Variants in COMMD1 observed in about 807,000 individuals in gnomAD.
COMMD1 encodes copper metabolism domain containing 1.
Under a neutral mutation model 17.2 loss-of-function variants are expected in COMMD1, and 10 were observed. The ratio of observed to expected loss-of-function variants is 0.58; its 90% confidence interval spans 0.36 to 0.99. The LOEUF (loss-of-function observed/expected upper bound fraction) is 0.99. Among genes scored for constraint, COMMD1 ranks in the 50% least tolerant of loss-of-function variants. The probability of loss-of-function intolerance (pLI) is 0.01; values close to 1 mark genes in which losing one functional copy is unlikely to be tolerated. For synonymous variants in COMMD1, 97 were observed against 91.6 expected, an observed-to-expected ratio of 1.06 and a Z score of -0.34; for missense variants, 270 against 231.8, an observed-to-expected ratio of 1.17 and a Z score of -1.07.
intron 1 of COMMD1, among the ~76,000 whole-genome samples, chr2:61,915,368 C>T (rs1284643674): frequency 6.6e-6 from 1 of 152,072 alleles, no homozygotes; most frequent in African/African-American, 2.4e-5. Flanking sequence ...AAATGTTAGA[C>T]CTCCTAGACT....
At chr2:62,057,904 T>C (rs1670753107) in intron 2 of COMMD1, among the ~76,000 whole-genome samples, 1 of 152,166 alleles carries the variant, frequency 6.6e-6, no homozygotes, top group Non-Finnish European at 1.5e-5. Flanking sequence ...CATGGTTTCT[T>C]CTTGACCCAT....
In COMMD1 at chr2:62,066,661, A is replaced by G. The variant is rs547424168; in HGVS notation, c.462+65679A>G. Among the ~76,000 whole-genome samples the G allele has an allele frequency of 4.3e-4, 65 of 151,486 alleles. No individual in the cohort carries two copies. The South Asian group carries it at 0.013, about 31-fold the overall frequency. On this transcript the variant is annotated intron_variant, in intron 2 of 2. Coordinates refer to ENST00000311832, the MANE Select transcript of COMMD1 (RefSeq NM_152516.4). ...CGTGATCTGCCCGCCTTGGCCTCCC[A>G]AAGTGCTGGGATTACAGGTGTGAGC... is the stretch of plus-strand genomic sequence containing the variant.
At chr2:62,126,291 A>T (rs1672886353) in intron 2 of COMMD1, among the ~76,000 whole-genome samples, 1 of 152,168 alleles carries the variant, frequency 6.6e-6, no homozygotes, top group Admixed American at 6.5e-5. Flanking sequence ...ATACCCAGTA[A>T]GGGGATTGCT....
rs529251559 is a variant in COMMD1, at chr2:62,043,094, T to G, written c.462+42112T>G. ...TTTTATTCAAAGATGCCAAGTCCTA[T>G]CATCATCTTGAGATTTGTCCATGAG... On this transcript the variant is annotated intron_variant, in intron 2 of 2. Coordinates refer to ENST00000311832, the MANE Select transcript of COMMD1 (RefSeq NM_152516.4). Among the ~76,000 whole-genome samples the G allele has an allele frequency of 1.2e-4, 18 of 152,350 alleles. 1 individual carries two copies. The South Asian group carries it at 3.7e-3, about 32-fold the overall frequency.
chr2:61,911,225 G>A (rs746791063), intron 1 of COMMD1, among the ~76,000 whole-genome samples: 1 of 151,886 alleles, frequency 6.6e-6, no homozygotes, highest in Non-Finnish European at 1.5e-5. Flanking sequence ...TGTAATCCCA[G>A]CACTTTGGGG....
intron 1 of COMMD1, among the ~76,000 whole-genome samples, chr2:61,944,238 G>A (rs1031163174): frequency 6.6e-6 from 1 of 152,028 alleles, no homozygotes; most frequent in African/African-American, 2.4e-5. Context: ...GATCACTTGA[G>A]CTCAGGAGTT....
At chr2:61,943,920 A>G (rs1440025272) in intron 1 of COMMD1, among the ~76,000 whole-genome samples, 1 of 152,138 alleles carries the variant, frequency 6.6e-6, no homozygotes, top group South Asian at 2.1e-4. Flanking sequence ...AATTTTCTCG[A>G]GAGTTCCCTG....
At chr2:62,132,205 C>T (rs1338509492) in intron 2 of COMMD1, among the ~76,000 whole-genome samples, 1 of 152,128 alleles carries the variant, frequency 6.6e-6, no homozygotes, top group African/African-American at 2.4e-5. Context: ...TTTATTTAGC[C>T]TACTCTTTCT....
chr2:61,948,412 T>A (rs1044645738), intron 1 of COMMD1, among the ~76,000 whole-genome samples: 2 of 152,262 alleles, frequency 1.3e-5, no homozygotes, highest in African/African-American at 4.8e-5. Context: ...TTTATGTAAG[T>A]GCTTATTTTC....
At chr2:61,985,349 C>T (rs1391714472) in intron 1 of COMMD1, among the ~76,000 whole-genome samples, 1 of 152,084 alleles carries the variant, frequency 6.6e-6, no homozygotes, top group Non-Finnish European at 1.5e-5. Context: ...CGCACCCGGC[C>T]CTATGTGTGT....
chr2:62,079,296 GTTT>G (rs1208960723), intron 2 of COMMD1, among the ~76,000 whole-genome samples: 1 of 152,190 alleles, frequency 6.6e-6, no homozygotes, highest in Non-Finnish European at 1.5e-5. Context: ...TACAGTGCTT[GTTT>G]ATATACAGGA....
intron 2 of COMMD1, among the ~76,000 whole-genome samples, chr2:62,116,919 C>T (rs1672621688): frequency 6.6e-6 from 1 of 150,804 alleles, no homozygotes; most frequent in Non-Finnish European, 1.5e-5. Flanking sequence ...CACTTGAACC[C>T]AGGAGGCGGA....
At chr2:62,080,546 T>A (rs1671486995) in intron 2 of COMMD1, among the ~76,000 whole-genome samples, 1 of 152,144 alleles carries the variant, frequency 6.6e-6, no homozygotes, top group Admixed American at 6.5e-5. Flanking sequence ...GAGTTCATAG[T>A]CCCAATTCTC....
intron 1 of COMMD1, among the ~76,000 whole-genome samples, chr2:61,900,192 T>C (rs931887613): frequency 1.1e-4 from 16 of 152,222 alleles, no homozygotes; most frequent in African/African-American, 3.9e-4. Context: ...TACAATTTTA[T>C]GCATTTCAGG....
intron 2 of COMMD1, among the ~76,000 whole-genome samples, chr2:62,069,260 G>A (rs1176428637): frequency 6.6e-6 from 1 of 152,066 alleles, no homozygotes; most frequent in East Asian, 1.9e-4. Flanking sequence ...GCCTCTCAAA[G>A]TGTTGGGATT....
intron 1 of COMMD1, among the ~76,000 whole-genome samples, chr2:61,937,555 T>C (rs115646636): frequency 0.012 from 1,854 of 152,286 alleles, 42 homozygotes; most frequent in African/African-American, 0.043. Flanking sequence ...CAGGCATTCA[T>C]TACCCCTTAT....
intron 1 of COMMD1, chr2:61,969,208 T>C (rs1002374301): frequency 1.2e-5 from 2 of 165,592 alleles, no homozygotes; most frequent in African/African-American, 4.8e-5. Flanking sequence ...ACCTAAACTC[T>C]TTTGGACAGT....
At chr2:61,909,362 A>ATTAAGAGATATCAG (rs912388106) in intron 1 of COMMD1, among the ~76,000 whole-genome samples, 6 of 152,224 alleles carry the variant, frequency 3.9e-5, no homozygotes, top group Non-Finnish European at 8.8e-5. Context: ...CTGAAGATAG[A>ATTAAGAGATATCAG]TTAAGAGATA....
chr2:61,889,884 A>G (rs952503690), intron 1 of COMMD1, among the ~76,000 whole-genome samples: 3 of 152,194 alleles, frequency 2.0e-5, no homozygotes, highest in East Asian at 1.9e-4. Context: ...CTAAACCTTT[A>G]CACGTTTTAT....
Sources: allele counts gnomAD v4.1 joint callset (sites outside exome capture counted in the v4.1 genomes callset), GRCh38; gene constraint gnomAD v4.1.1; transcripts MANE v1.5; gene names NCBI Gene and HGNC (gene_info 2026-07-23, HGNC 2026-07-21).